The following ZNF827 variants were observed in gnomAD, a reference collection of about 807,000 sequenced individuals.
The protein encoded by ZNF827 is zinc finger protein 827.
Under a neutral mutation model 102.4 loss-of-function variants are expected in ZNF827, and 13 were observed. That is an observed-to-expected ratio of 0.13 (90% confidence interval 0.08 to 0.20). The LOEUF is 0.20. Among genes scored for constraint, ZNF827 ranks in the 10% least tolerant of loss-of-function variants. The pLI is 1.00. For synonymous variants in ZNF827, 523 were observed against 536.2 expected, an observed-to-expected ratio of 0.98 and a Z score of 0.34; for missense variants, 1,103 against 1,344.4, an observed-to-expected ratio of 0.82 and a Z score of 2.81.
intron 8 of ZNF827, among the ~76,000 whole-genome samples, chr4:145,791,551 A>G (rs1253389261): frequency 6.6e-6 from 1 of 152,252 alleles, no homozygotes; most frequent in Non-Finnish European, 1.5e-5. Flanking sequence ...AATAATAAGT[A>G]GCATAGTTGG....
At chr4:145,847,366 T>G (rs1186272008) in intron 6 of ZNF827, among the ~76,000 whole-genome samples, 1 of 152,150 alleles carries the variant, frequency 6.6e-6, no homozygotes, top group East Asian at 1.9e-4. Context: ...TGATTCAGCA[T>G]GAAAACTGCA....
At chr4:145,933,603 C>G (rs1449812447) in intron 1 of ZNF827, among the ~76,000 whole-genome samples, 3 of 152,048 alleles carry the variant, frequency 2.0e-5, no homozygotes, top group Non-Finnish European at 2.9e-5. Flanking sequence ...GGTCTTGACC[C>G]ACAACTGAGT....
intron 5 of ZNF827, among the ~76,000 whole-genome samples, chr4:145,867,879 G>A (rs748699097): frequency 6.6e-6 from 1 of 152,170 alleles, no homozygotes; most frequent in Non-Finnish European, 1.5e-5. Context: ...TATTACTCTT[G>A]TCTATAGAGC....
At chr4:145,876,974 T>A (rs1749199143) in intron 4 of ZNF827, 1 of 152,180 alleles carries the variant, frequency 6.6e-6, no homozygotes, top group African/African-American at 2.4e-5. Flanking sequence ...TACTAGATGA[T>A]CACATTGCTA....
At chr4:145,885,122 C>A (rs191161578) in intron 4 of ZNF827, among the ~76,000 whole-genome samples, 1 of 151,078 alleles carries the variant, frequency 6.6e-6, no homozygotes, top group Non-Finnish European at 1.5e-5. Context: ...ATACAGTTTG[C>A]CATAATAAAA....
At chr4:145,897,285 G>A (rs957048760) in intron 2 of ZNF827, among the ~76,000 whole-genome samples, 2 of 152,128 alleles carry the variant, frequency 1.3e-5, no homozygotes, top group African/African-American at 4.8e-5. Context: ...TTAACACAAA[G>A]GTATTTTTAA....
At chr4:145,773,816 G>C (rs1033513658) in intron 11 of ZNF827, among the ~76,000 whole-genome samples, 4 of 152,302 alleles carry the variant, frequency 2.6e-5, no homozygotes, top group African/African-American at 4.8e-5. Context: ...TCATTAAGGA[G>C]AGCGTCAGGG....
intron 8 of ZNF827, among the ~76,000 whole-genome samples, chr4:145,805,876 A>G (rs188262094): frequency 4.6e-5 from 7 of 151,498 alleles, no homozygotes; most frequent in Admixed American, 3.9e-4. Flanking sequence ...ACTCTCTCCC[A>G]CCCTTGCTTC....
Position 145,870,488 on chromosome 4 carries a change from GA to G in ZNF827, c.1748-11del, listed in dbSNP as rs1332070958. The G allele has an allele frequency of 6.9e-6, 11 of 1,600,912 alleles. No homozygotes were observed. Among genetic ancestry groups the G allele is most frequent in the South Asian group, 1.1e-5 (1 of 89,262 alleles). On this transcript the variant is annotated splice_polypyrimidine_tract_variant and intron_variant, in intron 4 of 14. Coordinates refer to ENST00000508784, the MANE Select transcript of ZNF827 (RefSeq NM_001306215.2). The stretch of plus-strand genomic sequence containing the variant: ...TCCTTCTGATTTGCAGCTGTCAAAA[GA>G]AAAAAAGGGATTATATATACATAAA...
At chr4:145,783,562 G>A (rs1474423680) in intron 8 of ZNF827, among the ~76,000 whole-genome samples, 2 of 152,240 alleles carry the variant, frequency 1.3e-5, no homozygotes, top group Non-Finnish European at 2.9e-5. Context: ...GCTATTTTCA[G>A]TTAACCCAAC....
In ZNF827 at chr4:145,765,040, C is replaced by T. The variant is rs1490189320; in HGVS notation, c.3178G>A (p.Glu1060Lys). Reference sequence around the variant, plus strand: ...CATTTCTTATGCTCCAGCAGCTGTTCGGGGGTCTTCATGAACTTGTGGCAC... The same window carrying T: ...CATTTCTTATGCTCCAGCAGCTGTTTGGGGGTCTTCATGAACTTGTGGCAC... ...DVCHKFMKTP[E>K]QLLEHKKCHT... The change falls in exon 13 of 15, where the codon GAA becomes AAA. Residue 1060 changes from glutamate (E) to lysine (K), a missense_variant. This residue lies in a region of ZNF827 where 242 missense variants were observed against 361.9 expected (regional missense o/e 0.67). Coordinates refer to ENST00000508784, the MANE Select transcript of ZNF827 (RefSeq NM_001306215.2). This position sits in a 1 kb window ranked among gnomAD's most constrained non-coding sequence, Gnocchi z 4.7. 21 of 1,613,998 alleles carry T rather than the reference C, an allele frequency of 1.3e-5. No individual in the cohort carries two copies. The highest frequency in any genetic ancestry group is 2.2e-5 in the East Asian group (1 of 44,898).
intron 4 of ZNF827, 97 bp from the exon 5 acceptor site, chr4:145,870,575 T>A: frequency 9.1e-7 from 1 of 1,097,526 alleles, no homozygotes; most frequent in Non-Finnish European, 1.3e-6. Flanking sequence ...ACAATCACAC[T>A]GTGCTAACAA....
At chr4:145,852,986 CAGGGG>C (rs1427940019) in intron 5 of ZNF827, among the ~76,000 whole-genome samples, 1 of 152,198 alleles carries the variant, frequency 6.6e-6, no homozygotes, top group Non-Finnish European at 1.5e-5. Flanking sequence ...CAAATTTTCT[CAGGGG>C]AGGGAAGGGC....
At chr4:145,800,512 C>T (rs1316967580) in intron 8 of ZNF827, among the ~76,000 whole-genome samples, 1 of 152,036 alleles carries the variant, frequency 6.6e-6, no homozygotes, top group African/African-American at 2.4e-5. Flanking sequence ...TGAGCTCAAG[C>T]GATCCACCTG....
intron 1 of ZNF827, 95 bp downstream of exon 1, chr4:145,938,270 C>T: frequency 2.0e-6 from 3 of 1,480,874 alleles, no homozygotes; most frequent in Non-Finnish European, 1.9e-6. Context: ...TAACCCTAAA[C>T]TAATGCAGAA....
intron 2 of ZNF827, among the ~76,000 whole-genome samples, chr4:145,901,862 A>G (rs1255022530): frequency 6.6e-6 from 1 of 152,112 alleles, no homozygotes; most frequent in Non-Finnish European, 1.5e-5. Context: ...CATTAAATAT[A>G]TCTTGTATGG....
chr4:145,929,490 G>A (rs1408744871), intron 1 of ZNF827, among the ~76,000 whole-genome samples: 2 of 152,078 alleles, frequency 1.3e-5, no homozygotes, highest in Admixed American at 1.3e-4. Flanking sequence ...TATAATTCAG[G>A]TCAAATCATA....
At chr4:145,853,783 T>C (rs1013412600) in intron 5 of ZNF827, among the ~76,000 whole-genome samples, 1 of 151,990 alleles carries the variant, frequency 6.6e-6, no homozygotes, top group Non-Finnish European at 1.5e-5. Context: ...CTGGCCAACA[T>C]GGCAAAACCC....
At chr4:145,907,285 T>A in intron 1 of ZNF827, 1 of 450,542 alleles carries the variant, frequency 2.2e-6, no homozygotes, top group Non-Finnish European at 4.4e-6. Context: ...GTTGCAGTGG[T>A]CTAGCTATGG....
Sources: gnomAD v4.1 joint callset for allele counts (sites outside exome capture counted in the v4.1 genomes callset) on GRCh38, gnomAD v4.1.1 for gene constraint, gnomAD v4.1.1 regional missense constraint, Gnocchi (gnomAD v3.1) non-coding constraint, MANE v1.5 for transcripts, NCBI Gene and HGNC (gene_info 2026-07-23, HGNC 2026-07-21) for gene names.